Variants in SINHCAF observed in about 807,000 individuals in gnomAD.
SINHCAF encodes SIN3-HDAC complex-associated factor.
In SINHCAF, 3 loss-of-function variants were observed where a neutral mutation model predicts 25.8. The ratio of observed to expected loss-of-function variants is 0.12; its 90% CI spans 0.05 to 0.30. The LOEUF (loss-of-function observed/expected upper bound fraction) is 0.30, where lower values mean the gene tolerates loss of function less well. Ranked by LOEUF, SINHCAF falls within the 10% of genes least tolerant of loss-of-function variation. The probability of loss-of-function intolerance (pLI) is 1.00; values close to 1 mark genes in which losing one functional copy is unlikely to be tolerated. For missense variants in SINHCAF, 121 were observed against 262.3 expected, an observed-to-expected ratio of 0.46 and a Z score of 3.72; for synonymous variants, 70 against 85.5, an observed-to-expected ratio of 0.82 and a Z score of 1.00.
rs551140812 is a variant in SINHCAF, at chr12:31,305,730, C to T, written c.-20-7506G>A. 9.3e-5 allele frequency among the ~76,000 whole-genome samples: 13 copies of T among 140,352 alleles called. No homozygotes were observed. The East Asian group carries it at 1.5e-3, about 16-fold the overall frequency. 92.1% of individuals were successfully genotyped at this position (140,352 alleles called of 152,430 possible). ...TTTTTTTTTTTTTGAGACTAAGTCT[C>T]GCTCTGTCACCTAGGCTGGAGTGCA... On this transcript the variant is annotated intron_variant, in intron 1 of 5. Coordinates refer to ENST00000337682, the MANE Select transcript of SINHCAF (RefSeq NM_001135812.2).
Position 31,282,362 on chromosome 12 carries a change from C to T in SINHCAF, c.*350G>A, listed in dbSNP as rs998793741. 1 of 168,300 alleles carries T rather than the reference C, an allele frequency of 5.9e-6. No individual in the cohort carries two copies. Among genetic ancestry groups the T allele is most frequent in the African/African-American group, 2.4e-5 (1 of 41,930 alleles). The allele number at this position is 168,300 out of a possible 1,614,324, so 10.4% of individuals were successfully genotyped here. ...GGAAATCAACCCATTCAAAACTACT[C>T]TAGAAATTGTCTTTTGGCAGAATAG... On this transcript the variant is annotated 3_prime_UTR_variant, in exon 6 of 6. Transcript: ENST00000337682.
intron 1 of SINHCAF, among the ~76,000 whole-genome samples, chr12:31,312,502 A>G (rs1348463268): frequency 1.3e-5 from 2 of 152,204 alleles, no homozygotes; most frequent in Non-Finnish European, 2.9e-5. Context: ...CATTGTATGA[A>G]GGCTCCATTT....
rs940317662 is a variant in SINHCAF, at chr12:31,282,186, A to T, written c.*526T>A. On this transcript the variant is annotated 3_prime_UTR_variant, in exon 6 of 6. Transcript: ENST00000337682. Reference sequence around the variant, plus strand: ...TGTCCCCTGAAATTCCCCTAGTTTCATTCATTAGAAGGGGATTAAAAAAAA... The same window carrying T: ...TGTCCCCTGAAATTCCCCTAGTTTCTTTCATTAGAAGGGGATTAAAAAAAA... The T allele has an allele frequency of 1.3e-5, 2 of 151,930 alleles. No homozygotes were observed. The highest frequency in any genetic ancestry group is 2.9e-5 in the Non-Finnish European group (2 of 67,884). 9.4% of individuals were successfully genotyped at this position (151,930 alleles called of 1,614,324 possible).
chr12:31,316,639 A>G (rs1302653983), intron 1 of SINHCAF, among the ~76,000 whole-genome samples: 1 of 151,192 alleles, frequency 6.6e-6, no homozygotes, highest in African/African-American at 2.5e-5. Context: ...GGAAAGAAAA[A>G]GAGTTTCACA....
intron 4 of SINHCAF, among the ~76,000 whole-genome samples, chr12:31,289,938 T>C (rs1224581447): frequency 6.6e-6 from 1 of 151,694 alleles, no homozygotes; most frequent in South Asian, 2.1e-4. Context: ...AATCCTCCCG[T>C]CTCAGTCTCC....
At chr12:31,300,838 A>G (rs1162726569) in intron 1 of SINHCAF, among the ~76,000 whole-genome samples, 1 of 152,216 alleles carries the variant, frequency 6.6e-6, no homozygotes, top group Non-Finnish European at 1.5e-5. Context: ...GTCAGAGAAC[A>G]GTTCCTCTAA....
chr12:31,313,542 A>G (rs1462939991), intron 1 of SINHCAF, among the ~76,000 whole-genome samples: 1 of 152,246 alleles, frequency 6.6e-6, no homozygotes, highest in Non-Finnish European at 1.5e-5. Context: ...TATCAAAACA[A>G]TTTCAGAATA....
At chr12:31,317,191 C>T (rs1390882816) in intron 1 of SINHCAF, among the ~76,000 whole-genome samples, 1 of 152,080 alleles carries the variant, frequency 6.6e-6, no homozygotes, top group African/African-American at 2.4e-5. Context: ...CACAACTGTC[C>T]AAGTCATCTT....
intron 5 of SINHCAF, among the ~76,000 whole-genome samples, chr12:31,283,320 G>A (rs1038367710): frequency 7.9e-5 from 12 of 151,958 alleles, no homozygotes; most frequent in African/African-American, 1.2e-4. Context: ...ATACATGTGT[G>A]GGCCGGGTGT....
At chr12:31,323,501 T>C (rs1268116743) in intron 1 of SINHCAF, among the ~76,000 whole-genome samples, 3 of 152,208 alleles carry the variant, frequency 2.0e-5, no homozygotes, top group African/African-American at 4.8e-5. Flanking sequence ...TAAAACTGTC[T>C]CGGATAGGGT....
At chr12:31,307,837 A>G (rs898963951) in intron 1 of SINHCAF, among the ~76,000 whole-genome samples, 7 of 152,180 alleles carry the variant, frequency 4.6e-5, no homozygotes, top group Admixed American at 2.6e-4. Context: ...ACTGCTGACT[A>G]TAATAGCCTA....
At chr12:31,290,315 T>C (rs1938255514) in intron 4 of SINHCAF, among the ~76,000 whole-genome samples, 1 of 151,994 alleles carries the variant, frequency 6.6e-6, no homozygotes, top group Non-Finnish European at 1.5e-5. Context: ...CTAATTTTTT[T>C]ATATTTTTAG....
intron 4 of SINHCAF, among the ~76,000 whole-genome samples, chr12:31,292,432 G>A (rs1004097881): frequency 6.6e-5 from 10 of 151,916 alleles, no homozygotes; most frequent in Non-Finnish European, 1.2e-4. Flanking sequence ...CCCAGAGGCA[G>A]AGGCTGCAGT....
chr12:31,287,577 A>AC, intron 5 of SINHCAF, 57 bp downstream of exon 5: 1 of 1,366,582 alleles, frequency 7.3e-7, no homozygotes, highest in Non-Finnish European at 9.9e-7. Flanking sequence ...GAAGTAGAAA[A>AC]ATACTGCCCA....
intron 5 of SINHCAF, among the ~76,000 whole-genome samples, chr12:31,286,580 C>A (rs907864695): frequency 6.6e-6 from 1 of 150,888 alleles, no homozygotes; most frequent in African/African-American, 2.4e-5. Flanking sequence ...AGGAGAATCA[C>A]TGAACCCGGG....
chr12:31,300,535 A>T (rs897905246), intron 1 of SINHCAF, among the ~76,000 whole-genome samples: 1 of 152,234 alleles, frequency 6.6e-6, no homozygotes, highest in African/African-American at 2.4e-5. Flanking sequence ...CTACACAGTC[A>T]TAAGAAAAGA....
At chr12:31,298,912 C>T (rs756330238) in intron 1 of SINHCAF, among the ~76,000 whole-genome samples, 2 of 152,048 alleles carry the variant, frequency 1.3e-5, no homozygotes, top group Non-Finnish European at 2.9e-5. Flanking sequence ...GTTGTCTGAC[C>T]GCTGATCTGC....
At chr12:31,305,159 C>A (rs779130198) in intron 1 of SINHCAF, 2 of 152,138 alleles carry the variant, frequency 1.3e-5, no homozygotes, top group African/African-American at 4.8e-5. Flanking sequence ...CGTGAGTCTA[C>A]AACCTTTAAC....
intron 5 of SINHCAF, among the ~76,000 whole-genome samples, chr12:31,283,316 G>A (rs941247234): frequency 2.6e-5 from 4 of 152,000 alleles, no homozygotes; most frequent in Admixed American, 6.6e-5. Flanking sequence ...AAAAATACAT[G>A]TGTGGGCCGG....
Sources: gnomAD v4.1 joint callset for allele counts (sites outside exome capture counted in the v4.1 genomes callset) on GRCh38, gnomAD v4.1.1 for gene constraint, MANE v1.5 for transcripts, NCBI Gene and HGNC (gene_info 2026-07-23, HGNC 2026-07-21) for gene names.